Variants in EPHA6 observed in about 807,000 individuals in gnomAD.
EPHA6 encodes the protein ephrin type-A receptor 6.
Under a neutral mutation model 112.0 loss-of-function variants are expected in EPHA6, and 50 were observed. That is an observed-to-expected ratio of 0.45 (90% CI 0.36 to 0.56). EPHA6 has a LOEUF of 0.56. EPHA6 is among the 20% of genes least tolerant of loss of function. EPHA6 has a pLI of 0.00. For missense variants in EPHA6, 1,280 were observed against 1,417.4 expected, an observed-to-expected ratio of 0.90 and a Z score of 1.56; for synonymous variants, 529 against 490.7, an observed-to-expected ratio of 1.08 and a Z score of -1.03.
intron 3 of EPHA6, among the ~76,000 whole-genome samples, chr3:97,094,591 G>C (rs964652188): frequency 2.0e-5 from 3 of 152,046 alleles, no homozygotes; most frequent in African/African-American, 4.8e-5. Flanking sequence ...ACATTTCTCA[G>C]TTATTAAAAT....
At chr3:97,070,439 C>T (rs2046316466) in intron 3 of EPHA6, among the ~76,000 whole-genome samples, 1 of 151,996 alleles carries the variant, frequency 6.6e-6, no homozygotes, top group Non-Finnish European at 1.5e-5. Flanking sequence ...AGATGGGAGG[C>T]CATGAGGGCT....
chr3:96,983,313 G>A (rs188967426), intron 2 of EPHA6, among the ~76,000 whole-genome samples: 5 of 152,206 alleles, frequency 3.3e-5, no homozygotes, highest in African/African-American at 1.2e-4. Context: ...CACTTATGAA[G>A]CTTAGTTTGG....
chr3:96,958,288 C>A (rs547219492), intron 2 of EPHA6, among the ~76,000 whole-genome samples: 2 of 151,192 alleles, frequency 1.3e-5, no homozygotes, highest in South Asian at 2.1e-4. Flanking sequence ...GAAACTCTGT[C>A]CCTAAAGAAA....
At chr3:96,884,011 G>C (rs149243936) in intron 2 of EPHA6, among the ~76,000 whole-genome samples, 2 of 151,898 alleles carry the variant, frequency 1.3e-5, no homozygotes, top group African/African-American at 4.8e-5. Flanking sequence ...TTTGCTTTTC[G>C]AAGATCAGTT....
intron 7 of EPHA6, among the ~76,000 whole-genome samples, chr3:97,464,790 A>G (rs969566035): frequency 6.6e-6 from 1 of 152,164 alleles, no homozygotes; most frequent in Non-Finnish European, 1.5e-5. Flanking sequence ...TGGATAAGCT[A>G]TAGAAAAAAT....
intron 1 of EPHA6, among the ~76,000 whole-genome samples, chr3:96,860,141 A>T (rs1160807066): frequency 6.6e-6 from 1 of 152,146 alleles, no homozygotes; most frequent in Non-Finnish European, 1.5e-5. Flanking sequence ...AAAATGTATG[A>T]TGTAAAATCA....
chr3:97,069,304 A>G (rs1247310136), intron 3 of EPHA6, among the ~76,000 whole-genome samples: 1 of 152,176 alleles, frequency 6.6e-6, no homozygotes, highest in African/African-American at 2.4e-5. Flanking sequence ...GAAGTGGATC[A>G]GCATAACGTT....
At chr3:97,514,440 C>T (rs1237822590) in intron 10 of EPHA6, among the ~76,000 whole-genome samples, 3 of 152,176 alleles carry the variant, frequency 2.0e-5, no homozygotes, top group African/African-American at 4.8e-5. Flanking sequence ...ATTATTAATA[C>T]ATCTGTAAAG....
At chr3:97,097,093 A>G (rs185649840) in intron 3 of EPHA6, among the ~76,000 whole-genome samples, 191 of 151,934 alleles carry the variant, frequency 1.3e-3, no homozygotes, top group Non-Finnish European at 2.4e-3. Context: ...TTATGAAAAA[A>G]AGAAAAAATG....
chr3:97,033,393 G>T (rs775315824), intron 3 of EPHA6, among the ~76,000 whole-genome samples: 10 of 151,928 alleles, frequency 6.6e-5, no homozygotes, highest in Non-Finnish European at 8.8e-5. Context: ...TGAGAAGCTG[G>T]TCAGTCGGTC....
At chr3:96,901,424 A>G (rs893946381) in intron 2 of EPHA6, among the ~76,000 whole-genome samples, 1 of 152,068 alleles carries the variant, frequency 6.6e-6, no homozygotes, top group African/African-American at 2.4e-5. Flanking sequence ...GTAATCTGTG[A>G]CTTATTGGAT....
At chr3:97,170,353 T>C (rs2076664876) in intron 3 of EPHA6, among the ~76,000 whole-genome samples, 1 of 152,162 alleles carries the variant, frequency 6.6e-6, no homozygotes, top group Non-Finnish European at 1.5e-5. Context: ...CTGCTTTTAA[T>C]ACCTGGGGCG....
chr3:97,625,255 A>G lies in EPHA6; in HGVS notation c.2575-12618A>G, dbSNP rs539685100. The stretch of plus-strand genomic sequence containing the variant: ...AATATGAGGTACTTTCATTTTCAGT[A>G]GTCACTAAGTATTTTCTAATTCTCT... On this transcript the variant is annotated intron_variant, in intron 13 of 17. Coordinates refer to ENST00000389672, the MANE Select transcript of EPHA6 (RefSeq NM_001080448.3). Among the ~76,000 whole-genome samples, 6 of 151,698 alleles carry G rather than the reference A, an allele frequency of 4.0e-5. No homozygotes were observed. The East Asian group carries it at 7.8e-4, about 20-fold the overall frequency.
At chr3:97,284,260 T>C (rs1235653792) in intron 5 of EPHA6, among the ~76,000 whole-genome samples, 2 of 152,172 alleles carry the variant, frequency 1.3e-5, no homozygotes, top group Non-Finnish European at 2.9e-5. Flanking sequence ...AGCTTTTAAA[T>C]CTGTGCCCTT....
chr3:97,374,969 T>G (rs555718440), intron 5 of EPHA6, among the ~76,000 whole-genome samples: 1 of 152,316 alleles, frequency 6.6e-6, no homozygotes, highest in African/African-American at 2.4e-5. Context: ...TTTTATAGGA[T>G]AAATATTTAT....
At chr3:96,857,844 A>C (rs549533542) in intron 1 of EPHA6, among the ~76,000 whole-genome samples, 1 of 152,236 alleles carries the variant, frequency 6.6e-6, no homozygotes, top group East Asian at 1.9e-4. Context: ...CATTTAAATT[A>C]TTTTTGTAGC....
intron 5 of EPHA6, among the ~76,000 whole-genome samples, chr3:97,356,834 T>A (rs887494186): frequency 3.3e-5 from 5 of 152,152 alleles, no homozygotes; most frequent in African/African-American, 1.2e-4. Flanking sequence ...CCTATGTCCT[T>A]ACTTGCCTTT....
At chr3:96,891,698 G>T (rs2037974136) in intron 2 of EPHA6, among the ~76,000 whole-genome samples, 1 of 152,090 alleles carries the variant, frequency 6.6e-6, no homozygotes, top group Non-Finnish European at 1.5e-5. Flanking sequence ...AACAAGAGTG[G>T]AACTGTCTCA....
At chr3:97,617,336 C>A (rs2093775347) in intron 13 of EPHA6, among the ~76,000 whole-genome samples, 1 of 151,996 alleles carries the variant, frequency 6.6e-6, no homozygotes, top group African/African-American at 2.4e-5. Flanking sequence ...ATGAAGTACA[C>A]AGAACAGTGA....
Sources: allele counts gnomAD v4.1 joint callset (sites outside exome capture counted in the v4.1 genomes callset), GRCh38; gene constraint gnomAD v4.1.1; transcripts MANE v1.5; gene names NCBI Gene and HGNC (gene_info 2026-07-23, HGNC 2026-07-21).